The following PCDHGA2 variants were observed in gnomAD, a reference collection of about 807,000 sequenced individuals.
PCDHGA2 encodes protocadherin gamma-A2.
Under a neutral mutation model 59.2 loss-of-function variants are expected in PCDHGA2, and 40 were observed. The ratio of observed to expected loss-of-function variants is 0.68; its 90% CI spans 0.52 to 0.88. The LOEUF (loss-of-function observed/expected upper bound fraction) is 0.88, where lower values mean the gene tolerates loss of function less well. Among genes scored for constraint, PCDHGA2 ranks in the 40% least tolerant of loss-of-function variants. The pLI, the probability that PCDHGA2 is intolerant of heterozygous loss-of-function variation, is 0.00. For synonymous variants in PCDHGA2, 560 were observed against 526.0 expected (o/e 1.06, Z -0.89); for missense variants, 1,226 against 1,204.0 (o/e 1.02, Z -0.27).
chr5:141,363,266 T>C (rs1308915609), intron 1 of PCDHGA2, among the ~76,000 whole-genome samples: 5 of 152,268 alleles, frequency 3.3e-5, no homozygotes, highest in African/African-American at 1.2e-4. Context: ...CTTAAAACTT[T>C]GCTTTTGAAT....
chr5:141,497,957 A>G (rs2099780682), intron 2 of PCDHGA2, among the ~76,000 whole-genome samples: 1 of 152,242 alleles, frequency 6.6e-6, no homozygotes, highest in Non-Finnish European at 1.5e-5. Flanking sequence ...TCTGTTGGCC[A>G]GGCAGTGTTC....
intron 2 of PCDHGA2, among the ~76,000 whole-genome samples, chr5:141,504,748 T>A (rs979724181): frequency 7.2e-5 from 11 of 151,880 alleles, no homozygotes; most frequent in Non-Finnish European, 1.3e-4. Context: ...CCATTGAATT[T>A]TAGAAATTTC....
intron 1 of PCDHGA2, among the ~76,000 whole-genome samples, chr5:141,461,764 C>T (rs1005862192): frequency 6.6e-6 from 1 of 152,118 alleles, no homozygotes; most frequent in East Asian, 1.9e-4. Context: ...AGCGATTCTC[C>T]TGCCTCAGCC....
intron 2 of PCDHGA2, among the ~76,000 whole-genome samples, chr5:141,503,598 C>CA (rs765754054): frequency 0.15 from 9,705 of 65,252 alleles, 922 homozygotes; most frequent in African/African-American, 0.34. Context: ...GACTCCAGCT[C>CA]AAAAAAAAAA....
chr5:141,384,709 C>G, intron 1 of PCDHGA2: 2 of 1,614,124 alleles, frequency 1.2e-6, no homozygotes, highest in South Asian at 1.1e-5. Context: ...GAACGCCTGG[C>G]TGTCATACCT....
At chr5:141,371,659 T>A (rs762117464) in intron 1 of PCDHGA2, 4 of 1,613,850 alleles carry the variant, frequency 2.5e-6, no homozygotes. Flanking sequence ...AATGTGACGA[T>A]CACAGCTACC....
chr5:141,351,075 C>T (rs547501388), intron 1 of PCDHGA2: 41 of 1,614,032 alleles, frequency 2.5e-5, no homozygotes, highest in Non-Finnish European at 3.5e-5. Flanking sequence ...GGCATTAATG[C>T]AGAGATCACC....
At chr5:141,395,896 A>C (rs1229120477) in intron 1 of PCDHGA2, 2 of 152,188 alleles carry the variant, frequency 1.3e-5, no homozygotes, top group Admixed American at 6.5e-5. Flanking sequence ...CCTGGGCTCC[A>C]TGCCCATGGA....
At chr5:141,422,929 C>A (rs752323344) in intron 1 of PCDHGA2, 8 of 1,614,260 alleles carry the variant, frequency 5.0e-6, no homozygotes, top group Middle Eastern at 3.3e-4. Flanking sequence ...GTACCCTGCC[C>A]TCCCCACAGA....
At chr5:141,496,172 T>C (rs942740022) in intron 2 of PCDHGA2, among the ~76,000 whole-genome samples, 1 of 151,672 alleles carries the variant, frequency 6.6e-6, no homozygotes, top group Non-Finnish European at 1.5e-5. Context: ...CACCCTCCCA[T>C]CCAAGCAGCC....
At chr5:141,479,535 G>A (rs539785154) in intron 1 of PCDHGA2, 2 of 152,378 alleles carry the variant, frequency 1.3e-5, no homozygotes, top group Non-Finnish European at 2.9e-5. Context: ...AAGTGGAGAA[G>A]GTCAAAACTG....
At chr5:141,419,713 C>T in intron 1 of PCDHGA2, 1 of 1,613,264 alleles carries the variant, frequency 6.2e-7, no homozygotes, top group East Asian at 2.2e-5. Context: ...GGCTCTTCAG[C>T]CTGGGGCTGC....
At chr5:141,482,530 CAAAAAAA>C (rs3074545) in intron 1 of PCDHGA2, among the ~76,000 whole-genome samples, 2 of 76,560 alleles carry the variant, frequency 2.6e-5, no homozygotes, top group South Asian at 4.6e-4. Flanking sequence ...GACAGACATG[CAAAAAAA>C]AAAAAAAAAA....
chr5:141,458,551 T>A (rs1019302178), intron 1 of PCDHGA2, among the ~76,000 whole-genome samples: 1 of 148,194 alleles, frequency 6.7e-6, no homozygotes, highest in Non-Finnish European at 1.5e-5. Flanking sequence ...TTTGTTTGTT[T>A]GTTTTGGTTT....
chr5:141,375,075 C>A lies in PCDHGA2; in HGVS notation c.2424+33680C>A. The stretch of plus-strand genomic sequence containing the variant: ...GATGGGCCAGGTCTTCGAGACAGAG[C>A]GAAAGTCTTAATAACTATCTTGGAT... On this transcript the variant is annotated intron_variant, in intron 1 of 3. Transcript: ENST00000394576. 4 of 1,613,926 alleles carry A rather than the reference C, an allele frequency of 2.5e-6. No individual in the cohort carries two copies. The highest frequency in any genetic ancestry group is 1.6e-4 in the Middle Eastern group (1 of 6,062).
intron 1 of PCDHGA2, chr5:141,423,105 G>C (rs1480411428): frequency 1.9e-6 from 3 of 1,613,920 alleles, no homozygotes; most frequent in East Asian, 4.5e-5. Flanking sequence ...ACACGGGCGA[G>C]GTGCGTACAG....
rs1464357405 is a variant in PCDHGA2 at position 141,476,385 on chromosome 5, A to G, written c.2425-18422A>G. On this transcript the variant is annotated intron_variant, in intron 1 of 3. Coordinates refer to ENST00000394576, the MANE Select transcript of PCDHGA2 (RefSeq NM_018915.4). The surrounding 1 kb of genome is among the most constrained non-coding windows in gnomAD (Gnocchi z 7.6). ...GAGACCGGAGAGATGTTTGTGAACG[A>G]CCGTCTGGATCGAGAGGAGCTGTGT... The G allele has an allele frequency of 4.3e-6, 7 of 1,614,062 alleles. No homozygotes were observed. The highest frequency in any genetic ancestry group is 5.9e-6 in the Non-Finnish European group (7 of 1,180,020).
rs201458212 is a variant in PCDHGA2 at position 141,487,439 on chromosome 5, T to A, written c.2425-7368T>A. On this transcript the variant is annotated intron_variant, in intron 1 of 3. Coordinates refer to ENST00000394576, the MANE Select transcript of PCDHGA2 (RefSeq NM_018915.4). The surrounding 1 kb of genome is among the most constrained non-coding windows in gnomAD (Gnocchi z 5.0). ...TGGGATCCTCCGAATCCAGCTAGGG[T>A]CAGATGACCCTATCAAGTTTGTTGA... The A allele has an allele frequency of 1.5e-4, 242 of 1,613,808 alleles. No individual in the cohort carries two copies. Among genetic ancestry groups the A allele is most frequent in the Non-Finnish European group, 1.9e-4 (230 of 1,179,978 alleles).
chr5:141,406,344 A>G (rs1227863234), intron 1 of PCDHGA2, among the ~76,000 whole-genome samples: 1 of 152,148 alleles, frequency 6.6e-6, no homozygotes, highest in Non-Finnish European at 1.5e-5. Flanking sequence ...TCATTTATTC[A>G]GGTCATACTA....
Sources: gnomAD v4.1 joint callset for allele counts (sites outside exome capture counted in the v4.1 genomes callset) on GRCh38, gnomAD v4.1.1 for gene constraint, Gnocchi (gnomAD v3.1) non-coding constraint, MANE v1.5 for transcripts, NCBI Gene and HGNC (gene_info 2026-07-23, HGNC 2026-07-21) for gene names.